The following XPC variants were observed in gnomAD, a reference collection of about 807,000 sequenced individuals.
The protein encoded by XPC is XPC complex subunit, DNA damage recognition and repair factor, also known as DNA repair protein complementing XP-C cells.
In XPC, 76 loss-of-function variants were observed where a neutral mutation model predicts 95.8. That is an observed-to-expected ratio of 0.79 (90% CI 0.66 to 0.96). XPC has a LOEUF of 0.96. Among genes scored for constraint, XPC ranks in the 40% least tolerant of loss-of-function variants. XPC has a pLI of 0.00. For synonymous variants in XPC, 442 were observed against 442.1 expected (o/e 1.00, Z 0.00); for missense variants, 1,146 against 1,179.8 (o/e 0.97, Z 0.42).
chr3:14,168,446 A>G (rs1374586544), intron 3 of XPC, 66 bp from the exon 4 acceptor site: 3 of 1,583,554 alleles, frequency 1.9e-6, no homozygotes, highest in Non-Finnish European at 1.7e-6. Flanking sequence ...TGTACTGAAC[A>G]GAATCAAGGT....
chr3:14,168,390 A>T lies in XPC; in HGVS notation c.413-10T>A. The T allele has an allele frequency of 6.2e-7, 1 of 1,613,702 alleles. No homozygotes were observed. ...ACAGGCTCACTAAGTTCTATCAACAAGCATTTTTAAAAATCAGTAATAGTA... is the reference window on the plus strand; with the variant it reads ...ACAGGCTCACTAAGTTCTATCAACATGCATTTTTAAAAATCAGTAATAGTA... On this transcript the variant is annotated splice_polypyrimidine_tract_variant and intron_variant, in intron 3 of 15. Coordinates refer to ENST00000285021, the MANE Select transcript of XPC (RefSeq NM_004628.5).
In XPC at chr3:14,146,214, A is replaced by T. The variant is rs2125005414; in HGVS notation, c.2605-55T>A. 4 of 1,504,814 alleles carry T rather than the reference A, an allele frequency of 2.7e-6. No individual in the cohort carries two copies. The East Asian group carries it at 9.7e-5, about 36-fold the overall frequency. The allele number at this position is 1,504,814 out of a possible 1,614,324, so 93.2% of individuals were successfully genotyped here. ...AGGCGAGGGTTAGTAATCAGATACC[A>T]GGAAGCCCCATGAAGAGGCAGCAAG... On this transcript the variant is annotated intron_variant, in intron 15 of 15. Coordinates refer to ENST00000285021, the MANE Select transcript of XPC (RefSeq NM_004628.5).
Position 14,149,272 on chromosome 3 carries a change from C to T in XPC, c.2116-324G>A, listed in dbSNP as rs181225959. ...CTAATTTTTGTATTTTTAGTAGAGA[C>T]GGGGGTTTCACCATGTTGGCCAGGC... On this transcript the variant is annotated intron_variant, in intron 11 of 15. Transcript: ENST00000285021. Among the ~76,000 whole-genome samples the T allele has an allele frequency of 8.3e-4, 126 of 151,662 alleles. 1 individual carries two copies. The highest frequency in any genetic ancestry group is 1.6e-3 in the Non-Finnish European group (108 of 67,836).
chr3:14,167,092 C>T, intron 5 of XPC, 77 bp downstream of exon 5: 1 of 1,343,690 alleles, frequency 7.4e-7, no homozygotes. Flanking sequence ...GCAGCAAAGC[C>T]AGAAATAAAG....
chr3:14,148,707 C>A lies in XPC; in HGVS notation c.2275G>T (p.Val759Leu). 2 of 1,614,048 alleles carry A rather than the reference C, an allele frequency of 1.2e-6. No individual in the cohort carries two copies. The highest frequency in any genetic ancestry group is 2.2e-5 in the South Asian group (2 of 91,086). ...GKVPRNEFGN[V>L]YLFLPSMMPI... ...ATCATGCTGGGCAGGAAGAGGTACA[C>A]ATTCCCAAACTCGTTCCGGGGCACC... is the stretch of plus-strand genomic sequence containing the variant. The change falls in exon 13 of 16, where the codon GTG (valine) becomes TTG (leucine). Residue 759 changes from valine (V) to leucine (L), a missense_variant. Physicochemically the swap from Val to Leu is conservative, Grantham distance 32 (BLOSUM62 1). Transcript: ENST00000285021.
chr3:14,149,857 G>A (rs960805673), intron 11 of XPC: 10 of 152,188 alleles, frequency 6.6e-5, no homozygotes, highest in African/African-American at 2.2e-4. Flanking sequence ...CACCACAGAC[G>A]GGGTAAATGA....
chr3:14,151,021 C>G (rs1695667536), intron 11 of XPC, among the ~76,000 whole-genome samples: 1 of 152,062 alleles, frequency 6.6e-6, no homozygotes, highest in Non-Finnish European at 1.5e-5. Flanking sequence ...TGGATTCAGG[C>G]TGGGAAGGAG....
intron 10 of XPC, among the ~76,000 whole-genome samples, chr3:14,155,818 A>G (rs910771375): frequency 2.6e-5 from 4 of 152,164 alleles, no homozygotes; most frequent in Non-Finnish European, 5.9e-5. Flanking sequence ...TCGGCCTCCC[A>G]AAGTGCTGGG....
In XPC at chr3:14,157,886, C is replaced by G; in HGVS notation, c.1872+125G>C. 8 of 1,338,356 alleles carry G rather than the reference C, an allele frequency of 6.0e-6. 1 individual carries two copies. In the South Asian group the frequency reaches 1.2e-4, roughly 20 times the overall value. 82.9% of individuals were successfully genotyped at this position (1,338,356 alleles called of 1,614,324 possible). A position where few individuals can be genotyped will look rare whatever the true frequency, so the allele number is the denominator to read the frequency against. On this transcript the variant is annotated intron_variant, in intron 9 of 15. Transcript: ENST00000285021. Reference sequence around the variant, plus strand: ...CTGCCCCAGCTTTATATGGCTGTGACAATTAAATGAGACAACCCATTAAAA... The same window carrying G: ...CTGCCCCAGCTTTATATGGCTGTGAGAATTAAATGAGACAACCCATTAAAA...
chr3:14,157,657 G>A (rs983872908), intron 9 of XPC, among the ~76,000 whole-genome samples: 3 of 152,246 alleles, frequency 2.0e-5, no homozygotes, highest in Admixed American at 1.3e-4. Flanking sequence ...TGATGGGGGA[G>A]GGGGGAGAAT....
intron 6 of XPC, among the ~76,000 whole-genome samples, chr3:14,165,214 G>A (rs556507074): frequency 6.6e-6 from 1 of 152,260 alleles, no homozygotes; most frequent in Admixed American, 6.5e-5. Context: ...ATGCCATCCT[G>A]TAATTACCTG....
intron 7 of XPC, 182 bp from the exon 8 acceptor site, chr3:14,160,012 G>A (rs1485847426): frequency 1.3e-5 from 7 of 552,658 alleles, no homozygotes; most frequent in East Asian, 3.1e-5. Flanking sequence ...GTTTATCTTC[G>A]TAGAAGAACA....
intron 5 of XPC, 191 bp from the exon 6 acceptor site, chr3:14,165,776 A>G (rs933714976): frequency 2.4e-5 from 14 of 589,512 alleles, no homozygotes; most frequent in Non-Finnish European, 3.2e-5. Flanking sequence ...CTCTCTGTAT[A>G]CTCATTCCTT....
In XPC at chr3:14,148,916, T is replaced by C; in HGVS notation, c.2148A>G (p.Lys716=). The change falls in exon 12 of 16, where the codon AAA becomes AAG. Residue 716 remains lysine (K), a synonymous_variant. Coordinates refer to ENST00000285021, the MANE Select transcript of XPC (RefSeq NM_004628.5). ...GCAGCTGGGGCTCAGCAAGTCGGGC[T>C]TTCCGAGCACGGTTAGAAAAGCCTT... ...MVKGFSNRAR[K]ARLAEPQLRE... is the part of the protein sequence containing the mutation. The C allele has an allele frequency of 6.2e-7, 1 of 1,614,000 alleles. No homozygotes were observed. Among genetic ancestry groups the C allele is most frequent in the Non-Finnish European group, 8.5e-7 (1 of 1,179,882 alleles).
Position 14,164,054 on chromosome 3 carries a change from A to G in XPC, c.900+759T>C, listed in dbSNP as rs1388673893. ...GCAGAGAGAGACTCTGTCTCAAAAA[A>G]CAAAAACAAACAAACAAAAAAATTG... On this transcript the variant is annotated intron_variant, in intron 7 of 15. Transcript: ENST00000285021. 2.0e-5 allele frequency among the ~76,000 whole-genome samples: 3 copies of G among 152,364 alleles called. No homozygotes were observed. The East Asian group carries it at 5.8e-4, about 29-fold the overall frequency.
At chr3:14,165,854 T>C in intron 5 of XPC, 1 of 402,134 alleles carries the variant, frequency 2.5e-6, no homozygotes, top group Non-Finnish European at 4.6e-6. Flanking sequence ...CAAACTGTTT[T>C]TGTTTTGGTC....
intron 5 of XPC, 81 bp from the exon 6 acceptor site, chr3:14,165,666 A>G (rs981039154): frequency 6.6e-7 from 1 of 1,525,596 alleles, no homozygotes; most frequent in African/African-American, 1.4e-5. Context: ...AAGTCAAGAC[A>G]TGCTGTGGAC....
chr3:14,148,977 C>T (rs1164217879), intron 11 of XPC, 29 bp from the exon 12 acceptor site: 1 of 1,611,918 alleles, frequency 6.2e-7, no homozygotes, highest in African/African-American at 1.3e-5. Context: ...CCACCGTTTA[C>T]AACAAAGGCA....
chr3:14,148,790 G>A (rs752471872), intron 12 of XPC, 24 bp downstream of exon 12: 4 of 1,613,694 alleles, frequency 2.5e-6, no homozygotes, highest in Non-Finnish European at 3.4e-6. Context: ...GCCTGGTCCT[G>A]AGCCCTTCTG....
Sources: allele counts gnomAD v4.1 joint callset (sites outside exome capture counted in the v4.1 genomes callset), GRCh38; gene constraint gnomAD v4.1.1; transcripts MANE v1.5; gene names NCBI Gene and HGNC (gene_info 2026-07-23, HGNC 2026-07-21).